Variants in THOC3 observed in about 807,000 individuals in gnomAD.
THOC3 encodes the protein TEX1 homolog.
A neutral mutation model predicts 23.3 loss-of-function variants in THOC3; 4 were observed. That is an observed-to-expected ratio of 0.17 (90% CI 0.08 to 0.39). THOC3 has a LOEUF of 0.39. Among genes scored for constraint, THOC3 ranks in the 10% least tolerant of loss-of-function variants. The pLI is 1.00. For missense variants in THOC3, 64 were observed against 359.4 expected (o/e 0.18, Z 6.65); for synonymous variants, 27 against 141.5 (o/e 0.19, Z 5.74).
intron 3 of THOC3, among the ~76,000 whole-genome samples, chr5:175,964,428 G>A (rs1417948759): frequency 1.3e-5 from 2 of 152,394 alleles, no homozygotes; most frequent in African/African-American, 4.8e-5. Flanking sequence ...AGACCAGCCT[G>A]ACCAACATGG....
intron 2 of THOC3, among the ~76,000 whole-genome samples, chr5:175,966,760 C>T: frequency 6.6e-6 from 1 of 151,658 alleles, no homozygotes; most frequent in Non-Finnish European, 1.5e-5. Context: ...TGGAAATGTC[C>T]CATTCCCCAC....
At chr5:175,965,757 A>C (rs192771902) in intron 2 of THOC3, among the ~76,000 whole-genome samples, 2,449 of 152,126 alleles carry the variant, frequency 0.016, 8 homozygotes, top group Non-Finnish European at 0.027. Flanking sequence ...TTTGACCCCA[A>C]AGCCCCCTTT....
At chr5:175,962,419 T>TAC (rs1436194735) in intron 3 of THOC3, among the ~76,000 whole-genome samples, 2 of 40,662 alleles carry the variant, frequency 4.9e-5, no homozygotes, top group South Asian at 7.0e-4. Context: ...TATATATATA[T>TAC]ATACACACAC....
chr5:175,965,520 G>C (rs1361738152), intron 2 of THOC3, among the ~76,000 whole-genome samples: 1 of 152,256 alleles, frequency 6.6e-6, no homozygotes, highest in Admixed American at 6.5e-5. Context: ...CACCTCCTGG[G>C]TTCACGCCAT....
chr5:175,965,868 T>C (rs1420222402), intron 2 of THOC3, among the ~76,000 whole-genome samples: 1 of 152,286 alleles, frequency 6.6e-6, no homozygotes, highest in Non-Finnish European at 1.5e-5. Context: ...TCAAGATTTT[T>C]CTTAAAATTG....
chr5:175,965,846 A>G (rs56043166), intron 2 of THOC3, among the ~76,000 whole-genome samples: 4,806 of 151,704 alleles, frequency 0.032, 14 homozygotes, highest in Middle Eastern at 0.052. Flanking sequence ...TAAACACTAT[A>G]CTTTTCTTTA....
chr5:175,962,380 A>G (rs73803460), intron 3 of THOC3, among the ~76,000 whole-genome samples: 70,807 of 95,908 alleles, frequency 0.74, 25,660 homozygotes, highest in Middle Eastern at 0.83. Context: ...AGTTATCAAC[A>G]TGAATTCATA....
At chr5:175,962,421 T>TACACACACAC (rs59077860) in intron 3 of THOC3, among the ~76,000 whole-genome samples, 5 of 44,216 alleles carry the variant, frequency 1.1e-4, no homozygotes, top group East Asian at 9.3e-4. Context: ...TATATATATA[T>TACACACACAC]ACACACACAC....
At chr5:175,966,664 G>A (rs1321288219) in intron 2 of THOC3, among the ~76,000 whole-genome samples, 4 of 138,762 alleles carry the variant, frequency 2.9e-5, no homozygotes, top group Non-Finnish European at 4.7e-5. Context: ...CTTTCTCCCA[G>A]ATCACCAAGA....
intron 3 of THOC3, among the ~76,000 whole-genome samples, chr5:175,962,141 A>C (rs1174441723): frequency 6.6e-6 from 1 of 151,866 alleles, no homozygotes; most frequent in Non-Finnish European, 1.5e-5. Context: ...AAAACCAAAA[A>C]CATTTTTTGT....
At chr5:175,962,980 C>A (rs1407690663) in intron 3 of THOC3, among the ~76,000 whole-genome samples, 3 of 151,872 alleles carry the variant, frequency 2.0e-5, no homozygotes, top group Non-Finnish European at 4.4e-5. Context: ...TCTTATTGGC[C>A]AAAGATGGGA....
At chr5:175,964,623 C>G (rs1410932482) in intron 3 of THOC3, among the ~76,000 whole-genome samples, 3 of 108,992 alleles carry the variant, frequency 2.8e-5, no homozygotes, top group Non-Finnish European at 5.8e-5. Flanking sequence ...TCTCGAAAAA[C>G]AAAAAAAAAG....
intron 3 of THOC3, among the ~76,000 whole-genome samples, chr5:175,963,595 TAC>T (rs775762826): frequency 4.1e-5 from 6 of 148,120 alleles, no homozygotes; most frequent in Non-Finnish European, 5.9e-5. Context: ...CATTAAGCTA[TAC>T]ATTTATTTTA....
intron 3 of THOC3, among the ~76,000 whole-genome samples, chr5:175,963,824 CAAGT>C (rs1290229893): frequency 2.7e-5 from 4 of 150,304 alleles, no homozygotes; most frequent in African/African-American, 4.9e-5. Context: ...AACCACTCTC[CAAGT>C]AAGTCATGCT....
chr5:175,964,176 C>G (rs1756720615), intron 3 of THOC3, among the ~76,000 whole-genome samples: 1 of 152,254 alleles, frequency 6.6e-6, no homozygotes, highest in Non-Finnish European at 1.5e-5. Flanking sequence ...CTAAACAAGG[C>G]AAACACCATC....
chr5:175,964,210 C>T (rs1393492764), intron 3 of THOC3, among the ~76,000 whole-genome samples: 1 of 152,252 alleles, frequency 6.6e-6, no homozygotes, highest in East Asian at 1.9e-4. Context: ...AATTCACAGT[C>T]TAACAGGAGA....
chr5:175,962,445 T>A (rs1756680715), intron 3 of THOC3, among the ~76,000 whole-genome samples: 1 of 35,624 alleles, frequency 2.8e-5, no homozygotes. Flanking sequence ...CACACACACG[T>A]AATTCCTAGG....
chr5:175,965,676 C>T (rs1339596070), intron 2 of THOC3, among the ~76,000 whole-genome samples: 9 of 152,278 alleles, frequency 5.9e-5, no homozygotes, highest in East Asian at 5.8e-4. Context: ...CCGCCCGCCT[C>T]GGCCTCCCAA....
intron 3 of THOC3, among the ~76,000 whole-genome samples, chr5:175,962,444 G>A (rs1453894385): frequency 9.8e-5 from 3 of 30,664 alleles, no homozygotes; most frequent in African/African-American, 2.9e-4. Flanking sequence ...ACACACACAC[G>A]TAATTCCTAG....
Sources: allele counts gnomAD v4.1 joint callset (sites outside exome capture counted in the v4.1 genomes callset), GRCh38; gene constraint gnomAD v4.1.1; transcripts MANE v1.5; gene names NCBI Gene and HGNC (gene_info 2026-07-23, HGNC 2026-07-21).